STMN2: variants seen among roughly 807,000 people sequenced by gnomAD.
The protein encoded by STMN2 is stathmin 2.
STMN2 carries 2 observed loss-of-function variants against 24.1 expected under a neutral mutation model. That is an observed-to-expected ratio of 0.08 (90% CI 0.03 to 0.26). STMN2 has a LOEUF of 0.26. Among genes scored for constraint, STMN2 ranks in the 10% least tolerant of loss-of-function variants. The pLI is 1.00. For synonymous variants in STMN2, 83 were observed against 77.5 expected, an observed-to-expected ratio of 1.07 and a Z score of -0.37; for missense variants, 114 against 213.6, an observed-to-expected ratio of 0.53 and a Z score of 2.91.
chr8:79,660,329 T>G (rs1806476431), intron 4 of STMN2, among the ~76,000 whole-genome samples: 1 of 152,208 alleles, frequency 6.6e-6, no homozygotes, highest in South Asian at 2.1e-4. Flanking sequence ...TGCCAAGACT[T>G]CTGAGCTCAT....
chr8:79,650,945 TA>T (rs879824358), intron 3 of STMN2, among the ~76,000 whole-genome samples: 2 of 151,486 alleles, frequency 1.3e-5, no homozygotes, highest in South Asian at 2.1e-4. Context: ...TCTCTAAATT[TA>T]AAAAAAAATA....
chr8:79,621,674 AGTG>A (rs1175392491), intron 1 of STMN2, among the ~76,000 whole-genome samples: 2 of 152,244 alleles, frequency 1.3e-5, no homozygotes, highest in Admixed American at 1.3e-4. Context: ...AAGGATGGTA[AGTG>A]GTGGCCCAAG....
intron 1 of STMN2, among the ~76,000 whole-genome samples, chr8:79,614,531 C>T (rs558085900): frequency 2.9e-4 from 44 of 152,360 alleles, no homozygotes; most frequent in Admixed American, 7.8e-4. Context: ...TAAACACTCT[C>T]TGTCCCAGTG....
chr8:79,646,066 A>C (rs1040002343), intron 3 of STMN2, among the ~76,000 whole-genome samples: 3 of 152,162 alleles, frequency 2.0e-5, no homozygotes, highest in Non-Finnish European at 4.4e-5. Flanking sequence ...TAAGTAAATT[A>C]ATAAATAATA....
At chr8:79,635,325 G>A (rs1809917638) in intron 1 of STMN2, among the ~76,000 whole-genome samples, 1 of 152,158 alleles carries the variant, frequency 6.6e-6, no homozygotes, top group Non-Finnish European at 1.5e-5. Flanking sequence ...TCAGATCGAG[G>A]GCTTTGGTGT....
intron 1 of STMN2, among the ~76,000 whole-genome samples, chr8:79,619,580 AG>A (rs1809463269): frequency 6.6e-6 from 1 of 152,200 alleles, no homozygotes; most frequent in South Asian, 2.1e-4. Context: ...TATCATTTCC[AG>A]ACTCTCGGGA....
chr8:79,627,134 A>G (rs573270124), intron 1 of STMN2, among the ~76,000 whole-genome samples: 1 of 152,300 alleles, frequency 6.6e-6, no homozygotes, highest in Non-Finnish European at 1.5e-5. Context: ...AGATATGAGC[A>G]ATGTTTAAAA....
At chr8:79,654,051 C>G (rs1810394969) in intron 3 of STMN2, among the ~76,000 whole-genome samples, 1 of 152,200 alleles carries the variant, frequency 6.6e-6, no homozygotes, top group Non-Finnish European at 1.5e-5. Context: ...ATGCTTATCA[C>G]TGGGCCTCAC....
intron 1 of STMN2, among the ~76,000 whole-genome samples, chr8:79,617,364 C>T (rs192764929): frequency 1.4e-4 from 22 of 152,262 alleles, no homozygotes; most frequent in Middle Eastern, 3.4e-3. Flanking sequence ...ATACAATACA[C>T]GAAATATCTC....
chr8:79,616,845 G>C (rs1351732399), intron 1 of STMN2, among the ~76,000 whole-genome samples: 1 of 152,138 alleles, frequency 6.6e-6, no homozygotes, highest in African/African-American at 2.4e-5. Flanking sequence ...ACCTTCGAGA[G>C]AAAGGTAGAA....
chr8:79,619,356 A>T (rs1360991861), intron 1 of STMN2, among the ~76,000 whole-genome samples: 1 of 152,134 alleles, frequency 6.6e-6, no homozygotes, highest in Non-Finnish European at 1.5e-5. Context: ...TTAGCATTCT[A>T]CTCTGTCTTT....
chr8:79,615,617 C>T (rs967017084), intron 1 of STMN2, among the ~76,000 whole-genome samples: 1 of 152,154 alleles, frequency 6.6e-6, no homozygotes, highest in African/African-American at 2.4e-5. Flanking sequence ...CACTAGAGGG[C>T]AATCATGTTC....
chr8:79,655,053 G>C lies in STMN2; in HGVS notation c.471G>C (p.Leu157=). 2 of 1,613,928 alleles carry C rather than the reference G, an allele frequency of 1.2e-6. No individual in the cohort carries two copies. Among genetic ancestry groups the C allele is most frequent in the South Asian group, 2.2e-5 (2 of 91,074 alleles). ...ATCTAGCTGCTATTATTGAACGTCT[G>C]CAGGAAAAGGTAATCTCAGCAGAGT... ...EANLAAIIER[L]QEKERHAAEV... is the part of the protein sequence containing the mutation. Residue 157 remains leucine (L), a synonymous_variant, in exon 4 of 5, where the codon CTG becomes CTC. Transcript: ENST00000220876.
At chr8:79,620,199 A>T (rs1444376221) in intron 1 of STMN2, among the ~76,000 whole-genome samples, 4 of 148,334 alleles carry the variant, frequency 2.7e-5, no homozygotes, top group South Asian at 2.1e-4. Flanking sequence ...TATATATATT[A>T]CATATAATAA....
rs572033599 is a variant in STMN2 at position 79,656,936 on chromosome 8, C to T, written c.480+1874C>T. ...TCGCCCAGGCTGGAGTGCAGTGGCA[C>T]GATCTCAGCTCACTGCAACCTCTGC... On this transcript the variant is annotated intron_variant, in intron 4 of 4. Transcript: ENST00000220876. Among the ~76,000 whole-genome samples the T allele has an allele frequency of 7.3e-5, 11 of 150,506 alleles. No individual in the cohort carries two copies. The South Asian group carries it at 8.4e-4, about 11-fold the overall frequency.
chr8:79,664,531 T>C (rs1365012252), intron 4 of STMN2, among the ~76,000 whole-genome samples: 2 of 152,228 alleles, frequency 1.3e-5, no homozygotes, highest in East Asian at 3.8e-4. Context: ...ATTACCTTTC[T>C]CTGGATTTAT....
intron 3 of STMN2, among the ~76,000 whole-genome samples, chr8:79,647,384 G>A (rs1346461408): frequency 1.3e-5 from 2 of 152,164 alleles, no homozygotes; most frequent in East Asian, 1.9e-4. Flanking sequence ...AAACTTACGA[G>A]TTCTCCTCCC....
chr8:79,633,957 T>A (rs529759587), intron 1 of STMN2, among the ~76,000 whole-genome samples: 5 of 151,830 alleles, frequency 3.3e-5, no homozygotes, highest in African/African-American at 1.2e-4. Context: ...TATTGAGGAG[T>A]TTTTTCTTCA....
At chr8:79,636,158 A>T (rs563775094) in intron 1 of STMN2, among the ~76,000 whole-genome samples, 16 of 152,310 alleles carry the variant, frequency 1.1e-4, no homozygotes, top group African/African-American at 3.6e-4. Context: ...TGGAGGTTGC[A>T]GTGAGCTGGG....
Sources: gnomAD v4.1 joint callset for allele counts (sites outside exome capture counted in the v4.1 genomes callset) on GRCh38, gnomAD v4.1.1 for gene constraint, MANE v1.5 for transcripts, NCBI Gene and HGNC (gene_info 2026-07-23, HGNC 2026-07-21) for gene names.